GRIK4: variants seen among roughly 807,000 people sequenced by gnomAD.
GRIK4 encodes glutamate ionotropic receptor kainate type subunit 4, also known as glutamate receptor ionotropic, kainate 4.
Under a neutral mutation model 104.9 loss-of-function variants are expected in GRIK4, and 40 were observed. That is an observed-to-expected ratio of 0.38 (90% CI 0.30 to 0.50). The LOEUF is 0.50. Among genes scored for constraint, GRIK4 ranks in the 20% least tolerant of loss-of-function variants. The probability of loss-of-function intolerance (pLI) is 0.93; values close to 1 mark genes in which losing one functional copy is unlikely to be tolerated. For missense variants in GRIK4, 1,047 were observed against 1,308.1 expected (o/e 0.80, Z 3.08); for synonymous variants, 485 against 524.9 (o/e 0.92, Z 1.04).
At chr11:120,788,263 A>G (rs1187880672) in intron 3 of GRIK4, among the ~76,000 whole-genome samples, 1 of 152,182 alleles carries the variant, frequency 6.6e-6, no homozygotes, top group Admixed American at 6.5e-5. Flanking sequence ...CTCCAAGATC[A>G]AAGTGTTTTT....
chr11:120,875,060 C>A (rs1052060555), intron 10 of GRIK4, 79 bp from the exon 11 acceptor site: 3 of 879,048 alleles, frequency 3.4e-6, no homozygotes, highest in Non-Finnish European at 5.8e-6. Flanking sequence ...CCTTAAATAG[C>A]CCCTGTGTAG....
chr11:120,819,615 G>C lies in GRIK4; in HGVS notation c.346-140G>C. Reference sequence around the variant, plus strand: ...TCCTCCCACGGAGTGGGTGCCCTGGGAGCTCCTTCTCCCATTGGTGTCTGG... The same window carrying C: ...TCCTCCCACGGAGTGGGTGCCCTGGCAGCTCCTTCTCCCATTGGTGTCTGG... On this transcript the variant is annotated intron_variant, in intron 5 of 20. Coordinates refer to ENST00000527524, the MANE Select transcript of GRIK4 (RefSeq NM_014619.5). This position sits in a 1 kb window ranked among gnomAD's most constrained non-coding sequence, Gnocchi z 4.3. 1 of 734,606 alleles carries C rather than the reference G, an allele frequency of 1.4e-6. No homozygotes were observed. The highest frequency in any genetic ancestry group is 2.3e-6 in the Non-Finnish European group (1 of 426,328). The allele number at this position is 734,606 out of a possible 1,614,324, so 45.5% of individuals were successfully genotyped here.
chr11:120,697,547 A>G (rs552383895), intron 3 of GRIK4, among the ~76,000 whole-genome samples: 150 of 150,816 alleles, frequency 9.9e-4, no homozygotes, highest in African/African-American at 3.5e-3. Context: ...CCCGAAAGAC[A>G]GAAGTTGTGG....
intron 1 of GRIK4, among the ~76,000 whole-genome samples, chr11:120,537,702 C>G (rs894262897): frequency 4.6e-5 from 7 of 152,250 alleles, no homozygotes; most frequent in African/African-American, 1.7e-4. Context: ...TTCCTCCTCG[C>G]CGCGCTGTGC....
At chr11:120,658,210 G>C (rs888529408) in intron 2 of GRIK4, among the ~76,000 whole-genome samples, 2 of 151,922 alleles carry the variant, frequency 1.3e-5, no homozygotes, top group Non-Finnish European at 2.9e-5. Context: ...GTTGCATGTG[G>C]TTGTCGATTA....
In GRIK4 at chr11:120,569,366, G is replaced by C. The variant is rs578061206; in HGVS notation, c.-159+57479G>C. ...TAATACTAATAATTCACATTCATAA[G>C]GGACTTTCTAGTTTATAAAGCTGCC... On this transcript the variant is annotated intron_variant, in intron 1 of 20. Transcript: ENST00000527524. Among the ~76,000 whole-genome samples, 539 of 152,308 alleles carry C rather than the reference G, an allele frequency of 3.5e-3. 9 individuals carry two copies. The highest frequency in any genetic ancestry group is 0.012 in the African/African-American group (489 of 41,570).
At chr11:120,969,864 T>C (rs1420053865) in intron 19 of GRIK4, among the ~76,000 whole-genome samples, 2 of 152,124 alleles carry the variant, frequency 1.3e-5, no homozygotes, top group Non-Finnish European at 2.9e-5. Context: ...GGTATCTTTC[T>C]TCCTAGAAAC....
chr11:120,637,275 C>T (rs1477211894), intron 1 of GRIK4, among the ~76,000 whole-genome samples: 1 of 152,086 alleles, frequency 6.6e-6, no homozygotes, highest in Non-Finnish European at 1.5e-5. Flanking sequence ...TTGTTTGTAC[C>T]AGCAAGCGAC....
intron 13 of GRIK4, among the ~76,000 whole-genome samples, chr11:120,923,724 T>G (rs1943277945): frequency 6.6e-6 from 1 of 152,174 alleles, no homozygotes; most frequent in Non-Finnish European, 1.5e-5. Flanking sequence ...CATTCGCTCA[T>G]TTAATCCTCA....
At chr11:120,570,109 G>A (rs534973552) in intron 1 of GRIK4, among the ~76,000 whole-genome samples, 1 of 152,342 alleles carries the variant, frequency 6.6e-6, no homozygotes, top group East Asian at 1.9e-4. Flanking sequence ...GAGACCGCCA[G>A]GGCGAGATGA....
intron 3 of GRIK4, among the ~76,000 whole-genome samples, chr11:120,682,789 C>T (rs998975916): frequency 4.6e-5 from 7 of 151,870 alleles, no homozygotes; most frequent in African/African-American, 1.7e-4. Context: ...AGGATCCAAG[C>T]CCCTCCCTAC....
chr11:120,858,457 AGG>A (rs1954175322), intron 8 of GRIK4: 1 of 152,024 alleles, frequency 6.6e-6, no homozygotes, highest in Non-Finnish European at 1.5e-5. Flanking sequence ...TGGATTTTGG[AGG>A]AGAAAAAAAA....
intron 3 of GRIK4, among the ~76,000 whole-genome samples, chr11:120,701,234 A>G (rs977253006): frequency 6.6e-5 from 10 of 152,016 alleles, no homozygotes; most frequent in Non-Finnish European, 1.2e-4. Flanking sequence ...TTCTTCCTAT[A>G]TCTCTGCTAT....
chr11:120,947,339 T>C (rs1169449763), intron 14 of GRIK4, among the ~76,000 whole-genome samples: 2 of 150,770 alleles, frequency 1.3e-5, no homozygotes, highest in Non-Finnish European at 3.0e-5. Flanking sequence ...GAGGTGGAGG[T>C]TGTAGTGAGC....
chr11:120,984,603 C>T (rs1944707067), intron 20 of GRIK4, among the ~76,000 whole-genome samples: 2 of 151,946 alleles, frequency 1.3e-5, no homozygotes, highest in Non-Finnish European at 2.9e-5. Context: ...CCCGTCTCTA[C>T]CAAGAAATAC....
intron 5 of GRIK4, 65 bp downstream of exon 5, chr11:120,815,540 G>C (rs1178874495): frequency 1.1e-6 from 1 of 951,486 alleles, no homozygotes; most frequent in Non-Finnish European, 1.6e-6. Flanking sequence ...TCCAAAGATA[G>C]GGTTGATTCT....
At chr11:120,652,407 G>A (rs1308611441) in intron 1 of GRIK4, among the ~76,000 whole-genome samples, 1 of 152,094 alleles carries the variant, frequency 6.6e-6, no homozygotes, top group Admixed American at 6.5e-5. Flanking sequence ...AGGGAGAGAG[G>A]ACACCTAGAA....
At chr11:120,911,235 A>G (rs1275342950) in intron 13 of GRIK4, among the ~76,000 whole-genome samples, 1 of 150,180 alleles carries the variant, frequency 6.7e-6, no homozygotes, top group African/African-American at 2.5e-5. Context: ...AGATTCCAAA[A>G]TTCTCTTTTT....
rs1293557597 is a variant in GRIK4, at chr11:120,903,027, C to A, written c.1273-2263C>A. Among the ~76,000 whole-genome samples, 1 of 152,134 alleles carries A rather than the reference C, an allele frequency of 6.6e-6. No homozygotes were observed. The highest frequency in any genetic ancestry group is 1.5e-5 in the Non-Finnish European group (1 of 68,026). On this transcript the variant is annotated intron_variant, in intron 12 of 20. Coordinates refer to ENST00000527524, the MANE Select transcript of GRIK4 (RefSeq NM_014619.5). This position sits in a 1 kb window ranked among gnomAD's most constrained non-coding sequence, Gnocchi z 4.4. ...CCCACATCCTGCTCTCCCTCACAGT[C>A]CCTCCATGACCTTGTGTCTGTCTGG...
Sources: gnomAD v4.1 joint callset for allele counts (sites outside exome capture counted in the v4.1 genomes callset) on GRCh38, gnomAD v4.1.1 for gene constraint, Gnocchi (gnomAD v3.1) non-coding constraint, MANE v1.5 for transcripts, NCBI Gene and HGNC (gene_info 2026-07-23, HGNC 2026-07-21) for gene names.